CDH12: variants seen among roughly 807,000 people sequenced by gnomAD.
CDH12 encodes the protein cadherin-12.
In CDH12, 41 loss-of-function variants were observed where a neutral mutation model predicts 74.1. The ratio of observed to expected loss-of-function variants is 0.55; its 90% CI spans 0.43 to 0.72. The LOEUF (loss-of-function observed/expected upper bound fraction) is 0.72, where lower values mean the gene tolerates loss of function less well. CDH12 is among the 30% of genes least tolerant of loss of function. The pLI, the probability that CDH12 is intolerant of heterozygous loss-of-function variation, is 0.00. For synonymous variants in CDH12, 399 were observed against 355.0 expected (o/e 1.12, Z -1.39); for missense variants, 945 against 977.2 (o/e 0.97, Z 0.44).
intron 3 of CDH12, among the ~76,000 whole-genome samples, chr5:22,323,274 T>C (rs1580522859): frequency 6.6e-6 from 1 of 152,170 alleles, no homozygotes; most frequent in African/African-American, 2.4e-5. Context: ...CTTCCTGTTA[T>C]ATATAATTCA....
intron 4 of CDH12, chr5:22,143,360 T>C (rs1433244340): frequency 6.9e-6 from 1 of 144,418 alleles, no homozygotes; most frequent in Non-Finnish European, 1.5e-5. Context: ...TACAAATGTA[T>C]AATATTCCTT....
At chr5:21,756,893 C>T (rs1032666883) in intron 13 of CDH12, among the ~76,000 whole-genome samples, 4 of 152,046 alleles carry the variant, frequency 2.6e-5, no homozygotes, top group Admixed American at 1.3e-4. Flanking sequence ...GGTTCTTCAG[C>T]AATAGGAAGC....
At chr5:22,741,747 G>C (rs1745034800) in intron 1 of CDH12, among the ~76,000 whole-genome samples, 1 of 152,136 alleles carries the variant, frequency 6.6e-6, no homozygotes, top group African/African-American at 2.4e-5. Context: ...TCAAGCATTG[G>C]ATCAGAAACT....
At chr5:22,344,570 A>G (rs1740029353) in intron 3 of CDH12, among the ~76,000 whole-genome samples, 1 of 152,174 alleles carries the variant, frequency 6.6e-6, no homozygotes, top group South Asian at 2.1e-4. Flanking sequence ...GCTAACAGCT[A>G]TGTAGCCATG....
chr5:21,795,057 T>G (rs1290025587), intron 10 of CDH12, among the ~76,000 whole-genome samples: 4 of 151,694 alleles, frequency 2.6e-5, no homozygotes, highest in Non-Finnish European at 4.4e-5. Flanking sequence ...TCATCTTTTT[T>G]GAGACCTCCA....
intron 3 of CDH12, among the ~76,000 whole-genome samples, chr5:22,282,535 A>C (rs1485018494): frequency 1.3e-5 from 2 of 152,186 alleles, no homozygotes; most frequent in Non-Finnish European, 2.9e-5. Context: ...AAGGAACTTA[A>C]ATTTACAAGC....
intron 6 of CDH12, among the ~76,000 whole-genome samples, chr5:21,866,753 A>G (rs1751348177): frequency 6.6e-6 from 1 of 152,234 alleles, no homozygotes; most frequent in Non-Finnish European, 1.5e-5. Context: ...TGGCTGCAGA[A>G]ATTTGCATAA....
intron 5 of CDH12, among the ~76,000 whole-genome samples, chr5:22,035,264 C>G (rs553222955): frequency 6.6e-6 from 1 of 152,046 alleles, no homozygotes; most frequent in South Asian, 2.1e-4. Context: ...AAGACCTAAT[C>G]AAGTAGCAGG....
intron 1 of CDH12, among the ~76,000 whole-genome samples, chr5:22,756,968 A>T: frequency 6.6e-6 from 1 of 152,128 alleles, no homozygotes. Context: ...CAAAAAAAAA[A>T]AAAAATTAAT....
At chr5:21,939,666 A>G (rs1228540801) in intron 6 of CDH12, among the ~76,000 whole-genome samples, 2 of 152,174 alleles carry the variant, frequency 1.3e-5, no homozygotes, top group Non-Finnish European at 2.9e-5. Flanking sequence ...ACTGTGCAGT[A>G]GTCATTATAT....
rs79962336 is a variant in CDH12, at chr5:22,610,448, A to C, written c.-522-105084T>G. 9.0e-3 allele frequency among the ~76,000 whole-genome samples: 1,374 copies of C among 152,288 alleles called. 22 individuals are homozygous for C. The highest frequency in any genetic ancestry group is 0.031 in the African/African-American group (1,309 of 41,590). On this transcript the variant is annotated intron_variant, in intron 1 of 14. Coordinates refer to ENST00000382254, the MANE Select transcript of CDH12 (RefSeq NM_004061.5). ...AAAACCGATCTAGTAAAAATGTATT[A>C]GATTCTGCAGATGTAGGATAATGCA...
At chr5:21,831,169 A>T (rs1436359770) in intron 8 of CDH12, among the ~76,000 whole-genome samples, 2 of 152,184 alleles carry the variant, frequency 1.3e-5, no homozygotes, top group African/African-American at 2.4e-5. Flanking sequence ...AAAGCCCCAT[A>T]GTCACATATA....
At chr5:22,462,163 C>T (rs1745550524) in intron 2 of CDH12, among the ~76,000 whole-genome samples, 1 of 151,950 alleles carries the variant, frequency 6.6e-6, no homozygotes, top group Non-Finnish European at 1.5e-5. Context: ...AGGAAACTCC[C>T]CAGCAATAAG....
intron 2 of CDH12, among the ~76,000 whole-genome samples, chr5:22,502,677 ACCT>A (rs1736223732): frequency 6.6e-6 from 1 of 151,142 alleles, no homozygotes. Flanking sequence ...CACACACAAA[ACCT>A]CCACATCAGG....
intron 3 of CDH12, among the ~76,000 whole-genome samples, chr5:22,356,650 GGTTCAGGTCATAT>G (rs2150469227): frequency 6.6e-6 from 1 of 152,042 alleles, no homozygotes; most frequent in East Asian, 1.9e-4. Context: ...TCAGTATATT[GGTTCAGGTCATAT>G]TGCTAATTAG....
At chr5:21,880,616 C>CT (rs1752256319) in intron 6 of CDH12, among the ~76,000 whole-genome samples, 5 of 50,860 alleles carry the variant, frequency 9.8e-5, no homozygotes, top group African/African-American at 3.5e-4. Context: ...TCCTTCCTTC[C>CT]TTCTTTCTTT....
chr5:22,279,177 T>C (rs34195144), intron 3 of CDH12, among the ~76,000 whole-genome samples: 3,290 of 152,226 alleles, frequency 0.022, 45 homozygotes, highest in South Asian at 0.036. Context: ...CCTAGAAACA[T>C]CTTCAAAGTA....
At chr5:22,592,432 C>T (rs1185586485) in intron 1 of CDH12, among the ~76,000 whole-genome samples, 2 of 152,188 alleles carry the variant, frequency 1.3e-5, no homozygotes, top group East Asian at 1.9e-4. Context: ...AGGTTGCCAT[C>T]TTCTCCTTCT....
chr5:22,119,180 T>A (rs1284918054), intron 4 of CDH12, among the ~76,000 whole-genome samples: 1 of 152,022 alleles, frequency 6.6e-6, no homozygotes, highest in Admixed American at 6.6e-5. Flanking sequence ...AAGTCCTCTC[T>A]CTTCTTACTA....
Sources: gnomAD v4.1 joint callset for allele counts (sites outside exome capture counted in the v4.1 genomes callset) on GRCh38, gnomAD v4.1.1 for gene constraint, MANE v1.5 for transcripts, NCBI Gene and HGNC (gene_info 2026-07-23, HGNC 2026-07-21) for gene names.